Variants in ARL15 observed in about 807,000 individuals in gnomAD.
ARL15 encodes ADP-ribosylation factor-like protein 15.
A neutral mutation model predicts 25.2 loss-of-function variants in ARL15; 19 were observed. That is an observed-to-expected ratio of 0.75 (90% CI 0.53 to 1.10). The LOEUF (loss-of-function observed/expected upper bound fraction) is 1.10. Among genes scored for constraint, ARL15 ranks in the 50% least tolerant of loss-of-function variants. ARL15 has a pLI of 0.00. For synonymous variants in ARL15, 94 were observed against 86.8 expected (o/e 1.08, Z -0.46); for missense variants, 220 against 246.0 (o/e 0.89, Z 0.71).
At chr5:54,181,764 T>A (rs1561256026) in intron 1 of ARL15, among the ~76,000 whole-genome samples, 1 of 152,064 alleles carries the variant, frequency 6.6e-6, no homozygotes, top group Non-Finnish European at 1.5e-5. Flanking sequence ...CGAGACCCCA[T>A]CTCTTCAAAA....
intron 4 of ARL15, among the ~76,000 whole-genome samples, chr5:54,054,663 G>A (rs1485618664): frequency 2.0e-5 from 3 of 152,106 alleles, no homozygotes; most frequent in Admixed American, 6.6e-5. Flanking sequence ...GGCAGCGTGC[G>A]CCTGTAGTCC....
At chr5:54,121,859 TTAAA>T (rs1470659034) in intron 3 of ARL15, among the ~76,000 whole-genome samples, 2 of 152,200 alleles carry the variant, frequency 1.3e-5, no homozygotes, top group African/African-American at 2.4e-5. Flanking sequence ...ATTGTGAGGA[TTAAA>T]TAACTTTTTT....
At chr5:54,047,424 G>A (rs1750556810) in intron 4 of ARL15, among the ~76,000 whole-genome samples, 1 of 152,154 alleles carries the variant, frequency 6.6e-6, no homozygotes, top group African/African-American at 2.4e-5. Flanking sequence ...CCGCAACATG[G>A]TGGATGTGGG....
rs530512115 is a variant in ARL15 at position 53,962,539 on chromosome 5, C to A, written c.463-75826G>T. 2.6e-5 allele frequency among the ~76,000 whole-genome samples: 4 copies of A among 152,134 alleles called. No homozygotes were observed. The South Asian group carries it at 8.3e-4, about 32-fold the overall frequency. On this transcript the variant is annotated intron_variant, in intron 4 of 4. Transcript: ENST00000504924. ...ACTTTTTGAACAGTAAGTTTCATTT[C>A]GAAATCTATCTGAATCAGCTTGTAA... is the stretch of plus-strand genomic sequence containing the variant.
At chr5:54,207,841 A>G (rs1755914595) in intron 1 of ARL15, among the ~76,000 whole-genome samples, 1 of 152,188 alleles carries the variant, frequency 6.6e-6, no homozygotes, top group Non-Finnish European at 1.5e-5. Context: ...TTAAAGAAGG[A>G]CTTAAGAGTT....
rs184116542 is a variant in ARL15 at position 54,138,859 on chromosome 5, C to A, written c.253+15721G>T. Among the ~76,000 whole-genome samples, 6 of 152,112 alleles carry A rather than the reference C, an allele frequency of 3.9e-5. No homozygotes were observed. The South Asian group carries it at 1.2e-3, about 32-fold the overall frequency. On this transcript the variant is annotated intron_variant, in intron 3 of 4. Coordinates refer to ENST00000504924, the MANE Select transcript of ARL15 (RefSeq NM_019087.3). ...ATCCTATCAAAAAATAGGCAAATGA[C>A]ATGAATAGATATTCCTCAAAAGAAG...
intron 4 of ARL15, among the ~76,000 whole-genome samples, chr5:53,890,033 G>A (rs1367866940): frequency 3.3e-5 from 5 of 152,044 alleles, no homozygotes; most frequent in African/African-American, 7.2e-5. Context: ...GGCTGGTCTC[G>A]AACTCTGACC....
intron 1 of ARL15, among the ~76,000 whole-genome samples, chr5:54,180,437 C>CA (rs1220151887): frequency 6.6e-6 from 1 of 152,178 alleles, no homozygotes; most frequent in Non-Finnish European, 1.5e-5. Context: ...ACAAACAGGG[C>CA]AAAGGAGTGC....
At chr5:54,126,022 T>G (rs1173780089) in intron 3 of ARL15, among the ~76,000 whole-genome samples, 3 of 152,176 alleles carry the variant, frequency 2.0e-5, no homozygotes, top group African/African-American at 4.8e-5. Flanking sequence ...TGTGCTGTAC[T>G]GCAGAGATTT....
chr5:53,991,401 G>C lies in ARL15; in HGVS notation c.463-104688C>G, dbSNP rs527634259. Among the ~76,000 whole-genome samples, 247 of 152,024 alleles carry C rather than the reference G, an allele frequency of 1.6e-3. 2 individuals carry two copies. The highest frequency in any genetic ancestry group is 2.3e-3 in the Non-Finnish European group (157 of 67,962). ...TACTAAAAATACAAAAATTAGCCAG[G>C]TGTGGTTGCATGCGCCTGTAATCCC... On this transcript the variant is annotated intron_variant, in intron 4 of 4. Coordinates refer to ENST00000504924, the MANE Select transcript of ARL15 (RefSeq NM_019087.3).
chr5:53,938,695 A>G (rs1021670561), intron 4 of ARL15, among the ~76,000 whole-genome samples: 3 of 152,170 alleles, frequency 2.0e-5, no homozygotes, highest in Admixed American at 6.5e-5. Context: ...GTGTGGTGCC[A>G]TGTGCCTCTA....
intron 4 of ARL15, among the ~76,000 whole-genome samples, chr5:54,042,660 T>C (rs1414314084): frequency 6.6e-6 from 1 of 152,214 alleles, no homozygotes; most frequent in Non-Finnish European, 1.5e-5. Context: ...TGCTATTAAC[T>C]TGATTAAAAA....
chr5:54,220,225 A>G (rs940428968), intron 1 of ARL15, among the ~76,000 whole-genome samples: 1 of 152,220 alleles, frequency 6.6e-6, no homozygotes, highest in African/African-American at 2.4e-5. Flanking sequence ...TGGTTGGCAG[A>G]TGTGGAAAAT....
rs13357213 is a variant in ARL15 at position 54,234,907 on chromosome 5, A to G, written c.49-62979T>C. Among the ~76,000 whole-genome samples the G allele has an allele frequency of 6.7e-3, 1,026 of 152,344 alleles. 10 individuals carry two copies. Among genetic ancestry groups the G allele is most frequent in the African/African-American group, 0.023 (960 of 41,582 alleles). ...ATAATATGTTTTTAAAAGAGCTAAG[A>G]AAATGTGAAACCAAATCTAGTTTGA... On this transcript the variant is annotated intron_variant, in intron 1 of 4. Transcript: ENST00000504924.
chr5:54,010,783 G>A (rs948038420), intron 4 of ARL15, among the ~76,000 whole-genome samples: 1 of 152,188 alleles, frequency 6.6e-6, no homozygotes, highest in African/African-American at 2.4e-5. Flanking sequence ...AGGCTGAGGC[G>A]CGCGGATCAC....
chr5:54,254,249 A>G (rs1454499987), intron 1 of ARL15, among the ~76,000 whole-genome samples: 3 of 152,200 alleles, frequency 2.0e-5, no homozygotes, highest in Non-Finnish European at 2.9e-5. Flanking sequence ...AGTTAAGAAG[A>G]TTGTTGTCAA....
chr5:53,915,083 TTACAGGCATGA>T (rs1745594771), intron 4 of ARL15, among the ~76,000 whole-genome samples: 2 of 152,338 alleles, frequency 1.3e-5, no homozygotes, highest in East Asian at 3.9e-4. Flanking sequence ...AGTGCTGGGA[TTACAGGCATGA>T]GCCACTGCAT....
intron 4 of ARL15, among the ~76,000 whole-genome samples, chr5:53,962,799 G>A (rs1014673262): frequency 6.6e-6 from 1 of 152,034 alleles, no homozygotes; most frequent in African/African-American, 2.4e-5. Flanking sequence ...TTGTCCTATG[G>A]ATATTAGAAG....
intron 3 of ARL15, among the ~76,000 whole-genome samples, chr5:54,127,146 A>C (rs1753283954): frequency 6.6e-6 from 1 of 152,162 alleles, no homozygotes; most frequent in African/African-American, 2.4e-5. Flanking sequence ...TTCCAATTTC[A>C]TCTATGTCCC....
Sources: gnomAD v4.1 joint callset for allele counts (sites outside exome capture counted in the v4.1 genomes callset) on GRCh38, gnomAD v4.1.1 for gene constraint, MANE v1.5 for transcripts, NCBI Gene and HGNC (gene_info 2026-07-23, HGNC 2026-07-21) for gene names.